PLEKHG1: variants seen among roughly 807,000 people sequenced by gnomAD.
The protein encoded by PLEKHG1 is pleckstrin homology domain-containing family G member 1.
In PLEKHG1, 44 loss-of-function variants were observed where a neutral mutation model predicts 100.8. The ratio of observed to expected loss-of-function variants is 0.44; its 90% CI spans 0.34 to 0.56. PLEKHG1 has a LOEUF of 0.56. Ranked by LOEUF, PLEKHG1 falls within the 20% of genes least tolerant of loss-of-function variation. The pLI, the probability that PLEKHG1 is intolerant of heterozygous loss-of-function variation, is 0.01. For synonymous variants in PLEKHG1, 640 were observed against 662.5 expected (o/e 0.97, Z 0.52); for missense variants, 1,545 against 1,720.9 (o/e 0.90, Z 1.81).
chr6:150,831,880 T>A lies in PLEKHG1; in HGVS notation c.2769T>A (p.Ser923=). ...GCCCCTTTGAGGAAGACCTGATTTCTAAAGAAGGCTCCTTTATGAGCCTTA... is the reference window on the plus strand; with the variant it reads ...GCCCCTTTGAGGAAGACCTGATTTCAAAAGAAGGCTCCTTTATGAGCCTTA... Residue 923 remains serine (S), a synonymous_variant, in exon 15 of 16, where the codon TCT becomes TCA. Coordinates refer to ENST00000358517, the Ensembl canonical transcript of PLEKHG1. This position sits in a 1 kb window ranked among gnomAD's most constrained non-coding sequence, Gnocchi z 4.1. 1 of 1,613,990 alleles carries A rather than the reference T, an allele frequency of 6.2e-7. No individual in the cohort carries two copies. The highest frequency in any genetic ancestry group is 1.3e-5 in the African/African-American group (1 of 75,058).
chr6:150,706,633 A>C (rs538078820), intron 3 of PLEKHG1, among the ~76,000 whole-genome samples: 1 of 151,470 alleles, frequency 6.6e-6, no homozygotes, highest in African/African-American at 2.4e-5. Context: ...AAAATCAAAA[A>C]CAAAAACAAA....
At chr6:150,701,288 C>A (rs111319292) in intron 3 of PLEKHG1, among the ~76,000 whole-genome samples, 5,282 of 148,016 alleles carry the variant, frequency 0.036, 299 homozygotes, top group African/African-American at 0.12. Context: ...CCACTGTGCT[C>A]CAGCTTGGGT....
chr6:150,840,094 C>T lies in PLEKHG1; in HGVS notation c.3356C>T (p.Thr1119Ile), dbSNP rs372279367. 2.1e-3 allele frequency: 3,367 copies of T among 1,614,238 alleles called. 99 individuals carry two copies. The South Asian group carries it at 0.035, about 17-fold the overall frequency. The change falls in exon 16 of 16, where the codon ACT (threonine) becomes ATT (isoleucine). Residue 1119 changes from threonine (T) to isoleucine (I), a missense_variant. Thr to Ile is a moderately conservative substitution (Grantham distance 89). Transcript: ENST00000358517. ...ACGTTTGAGATCAATACAAAAAGTACTCCCAGGCAATTGTCCGCAGCTTGC... is the reference window on the plus strand; with the variant it reads ...ACGTTTGAGATCAATACAAAAAGTATTCCCAGGCAATTGTCCGCAGCTTGC...
intron 10 of PLEKHG1, among the ~76,000 whole-genome samples, chr6:150,811,396 G>A (rs803352): frequency 6.6e-6 from 1 of 151,700 alleles, no homozygotes; most frequent in African/African-American, 2.4e-5. Flanking sequence ...CAGCCTCCCA[G>A]AATAGCTGGG....
At chr6:150,688,563 C>T (rs1780229009) in intron 3 of PLEKHG1, among the ~76,000 whole-genome samples, 1 of 152,118 alleles carries the variant, frequency 6.6e-6, no homozygotes, top group Non-Finnish European at 1.5e-5. Flanking sequence ...CTCAGGTGAT[C>T]CACCTGCGTT....
At chr6:150,721,577 T>C (rs1781677504) in intron 1 of PLEKHG1, among the ~76,000 whole-genome samples, 1 of 152,208 alleles carries the variant, frequency 6.6e-6, no homozygotes, top group South Asian at 2.1e-4. Flanking sequence ...AACATTTTCA[T>C]ATGCTTTCTT....
intron 14 of PLEKHG1, chr6:150,828,400 C>A (rs1227928901): frequency 6.3e-7 from 1 of 1,579,824 alleles, no homozygotes; most frequent in Non-Finnish European, 8.6e-7. Context: ...CAGCTGCTAT[C>A]CCATGCCGAA....
At chr6:150,693,754 T>G (rs1200675037) in intron 3 of PLEKHG1, among the ~76,000 whole-genome samples, 1 of 152,246 alleles carries the variant, frequency 6.6e-6, no homozygotes, top group African/African-American at 2.4e-5. Context: ...GTTATGTTCA[T>G]AAATCATGCA....
intron 3 of PLEKHG1, among the ~76,000 whole-genome samples, chr6:150,694,708 A>T (rs1287912941): frequency 2.6e-5 from 4 of 151,558 alleles, no homozygotes; most frequent in African/African-American, 4.8e-5. Flanking sequence ...AAAAAAAAAA[A>T]AAATAAAAAT....
At chr6:150,804,155 T>TTTTATATATATATATATATATA in intron 6 of PLEKHG1, among the ~76,000 whole-genome samples, 1 of 30,274 alleles carries the variant, frequency 3.3e-5, no homozygotes, top group East Asian at 9.2e-4. Context: ...TGTAAATATT[T>TTTTATATATATATATATATATA]TATATATATA....
rs183566410 is a variant in PLEKHG1 at position 150,790,139 on chromosome 6, G to A, written c.582+3680G>A. The stretch of plus-strand genomic sequence containing the variant: ...AGGTTCAAGCAATTCTCCTGCCTCC[G>A]CCCCCACGAGTAGCTGGGATTACAG... On this transcript the variant is annotated intron_variant, in intron 4 of 15. Coordinates refer to ENST00000358517, the Ensembl canonical transcript of PLEKHG1. Among the ~76,000 whole-genome samples the A allele has an allele frequency of 2.2e-3, 335 of 152,026 alleles. 1 individual carries two copies. The highest frequency in any genetic ancestry group is 7.3e-3 in the African/African-American group (302 of 41,456).
chr6:150,734,084 A>C, exon 2 of PLEKHG1: 2 of 1,609,134 alleles, frequency 1.2e-6, no homozygotes, highest in Non-Finnish European at 1.7e-6. Flanking sequence ...TTTAAAAAGC[A>C]TCGTAGAGGT....
rs1318541633 is a variant in PLEKHG1, at chr6:150,629,057, T to C, written c.-203-9023T>C. Among the ~76,000 whole-genome samples the C allele has an allele frequency of 1.4e-4, 22 of 152,166 alleles. 1 individual carries two copies. Among genetic ancestry groups the C allele is most frequent in the Admixed American group, 1.4e-3 (22 of 15,278 alleles). ...TGGAATAAACAGCCATGGAGCCTGT[T>C]TGGGTGTAAAGGGTAGGATTCGCCA... On this transcript the variant is annotated intron_variant, in intron 1 of 3. Coordinates refer to the PLEKHG1 transcript ENST00000367326.
At chr6:150,723,896 G>T (rs1358613371) in intron 1 of PLEKHG1, among the ~76,000 whole-genome samples, 1 of 152,176 alleles carries the variant, frequency 6.6e-6, no homozygotes, top group Non-Finnish European at 1.5e-5. Flanking sequence ...GACATGACAG[G>T]GCTGGGGTCA....
intron 3 of PLEKHG1, among the ~76,000 whole-genome samples, chr6:150,778,316 G>C (rs764733754): frequency 6.6e-6 from 1 of 152,000 alleles, no homozygotes; most frequent in Non-Finnish European, 1.5e-5. Context: ...TTAGTAGAGA[G>C]GGGGCTTCAC....
chr6:150,602,991 G>A (rs1226436926), intron 1 of PLEKHG1, among the ~76,000 whole-genome samples: 1 of 149,750 alleles, frequency 6.7e-6, no homozygotes, highest in Non-Finnish European at 1.5e-5. Context: ...TGAGGCAGGA[G>A]AATGGCGTGA....
intron 1 of PLEKHG1, among the ~76,000 whole-genome samples, chr6:150,622,127 G>GGAGCAGA (rs1777325388): frequency 6.6e-6 from 1 of 152,100 alleles, no homozygotes; most frequent in Admixed American, 6.5e-5. Context: ...CAGACGGAAG[G>GGAGCAGA]GAGCAGAGAG....
intron 3 of PLEKHG1, among the ~76,000 whole-genome samples, chr6:150,775,050 T>C (rs182328427): frequency 1.2e-4 from 18 of 152,306 alleles, no homozygotes; most frequent in African/African-American, 4.1e-4. Flanking sequence ...TTGTGTTCTT[T>C]TTGATACCCA....
At chr6:150,701,432 TA>T (rs1562446449) in intron 3 of PLEKHG1, among the ~76,000 whole-genome samples, 6,642 of 81,558 alleles carry the variant, frequency 0.081, 1,006 homozygotes, top group African/African-American at 0.21. Context: ...TATATATATA[TA>T]TATATATATA....
Sources: allele counts gnomAD v4.1 joint callset (sites outside exome capture counted in the v4.1 genomes callset), GRCh38; gene constraint gnomAD v4.1.1; non-coding constraint Gnocchi (gnomAD v3.1); transcripts MANE v1.5; gene names NCBI Gene and HGNC (gene_info 2026-07-23, HGNC 2026-07-21).